GAS6: variants seen among roughly 807,000 people sequenced by gnomAD.
GAS6 encodes the protein growth arrest specific 6.
A neutral mutation model predicts 75.8 loss-of-function variants in GAS6; 41 were observed. The ratio of observed to expected loss-of-function variants is 0.54; its 90% CI spans 0.42 to 0.70. The LOEUF is 0.70. Among genes scored for constraint, GAS6 ranks in the 30% least tolerant of loss-of-function variants. The pLI, the probability that GAS6 is intolerant of heterozygous loss-of-function variation, is 0.00. For synonymous variants in GAS6, 432 were observed against 412.6 expected, an observed-to-expected ratio of 1.05 and a Z score of -0.57; for missense variants, 854 against 940.2, an observed-to-expected ratio of 0.91 and a Z score of 1.20.
At chr13:113,861,403 C>T (rs2051970102) in intron 2 of GAS6, among the ~76,000 whole-genome samples, 2 of 152,216 alleles carry the variant, frequency 1.3e-5, no homozygotes, top group Admixed American at 6.5e-5. Flanking sequence ...CTCTGACAGT[C>T]ACCATGGCCA....
chr13:113,821,009 A>T lies in GAS6; in HGVS notation c.1892T>A (p.Val631Glu). Residue 631 changes from valine (V) to glutamate (E), a missense_variant, in exon 15 of 15, where the codon GTG (valine) becomes GAG (glutamate). Physicochemically the swap from Val to Glu is moderately radical, Grantham distance 121. Transcript: ENST00000327773. ...TFAGGLPDVP[V>E]TSAPVTAFYR... ...GAACGCGGTGACTGGCGCTGAAGTC[A>T]CCGGCACATCTGGGCCGCAGGGAGA... 3 of 1,612,438 alleles carry T rather than the reference A, an allele frequency of 1.9e-6. No homozygotes were observed. The highest frequency in any genetic ancestry group is 2.5e-6 in the Non-Finnish European group (3 of 1,179,852).
At chr13:113,826,424 G>C (rs182653948) in intron 12 of GAS6, among the ~76,000 whole-genome samples, 2 of 128,692 alleles carry the variant, frequency 1.6e-5, no homozygotes, top group African/African-American at 6.0e-5. Flanking sequence ...TCCCGGCGCT[G>C]GCCTCGCAGG....
chr13:113,859,053 ACTGT>A (rs1348467758), intron 2 of GAS6, among the ~76,000 whole-genome samples: 2 of 123,918 alleles, frequency 1.6e-5, no homozygotes, highest in Admixed American at 7.8e-5. Context: ...ACAGTGTGTG[ACTGT>A]GTGTACGTAT....
rs553894099 is a variant in GAS6 at position 113,832,928 on chromosome 13, A to G, written c.835-176T>C. ...TCACACCTGCCCCACTGGGACTCCC[A>G]GGTGAAGGGCGGGCTTGCAGCAGCC... On this transcript the variant is annotated intron_variant, in intron 8 of 14. Transcript: ENST00000327773. 4.6e-4 allele frequency: 689 copies of G among 1,490,018 alleles called. 3 individuals carry two copies. Among genetic ancestry groups the G allele is most frequent in the Non-Finnish European group, 4.9e-4 (547 of 1,119,070 alleles). 92.3% of individuals were successfully genotyped at this position (1,490,018 alleles called of 1,614,324 possible). A position where few individuals can be genotyped will look rare whatever the true frequency, so the allele number is the denominator to read the frequency against.
Position 113,845,340 on chromosome 13 carries a change from C to G in GAS6, c.343+1187G>C, listed in dbSNP as rs2051825498. ...GCTGACTGGGATCCAGCTCCAAAGC[C>G]ATGCCTGGGAAGAGACTCCTGCCTC... On this transcript the variant is annotated intron_variant, in intron 4 of 14. Coordinates refer to ENST00000327773, the MANE Select transcript of GAS6 (RefSeq NM_000820.4). This position sits in a 1 kb window ranked among gnomAD's most constrained non-coding sequence, Gnocchi z 4.3. 6.7e-6 allele frequency: 1 copy of G among 150,212 alleles called. No homozygotes were observed. Among genetic ancestry groups the G allele is most frequent in the African/African-American group, 2.5e-5 (1 of 39,670 alleles). The allele number at this position is 150,212 out of a possible 1,614,324, so 9.3% of individuals were successfully genotyped here. A position where few individuals can be genotyped will look rare whatever the true frequency, so the allele number is the denominator to read the frequency against.
chr13:113,833,362 A>C lies in GAS6; in HGVS notation c.835-610T>G, dbSNP rs1044713821. On this transcript the variant is annotated intron_variant, in intron 8 of 14. Transcript: ENST00000327773. ...AGGCGAGGGCTGGCTGGAAGCCCTG[A>C]ACGTCGCAGCCCAGACCCAAGAGCC... 7.3e-5 allele frequency: 73 copies of C among 998,460 alleles called. No homozygotes were observed. The African/African-American group carries it at 1.1e-3, about 15-fold the overall frequency. 61.9% of individuals were successfully genotyped at this position (998,460 alleles called of 1,614,324 possible). A position where few individuals can be genotyped will look rare whatever the true frequency, so the allele number is the denominator to read the frequency against.
chr13:113,833,246 C>A (rs1163239675), intron 8 of GAS6: 1 of 1,052,754 alleles, frequency 9.5e-7, no homozygotes, highest in Non-Finnish European at 1.1e-6. Flanking sequence ...GCCTGCCCTG[C>A]CCACCGTGGG....
At position 113,846,595 on chromosome 13, in the gene GAS6, G is replaced by A. The variant is rs763753712; in HGVS notation, c.281-6C>T. On this transcript the variant is annotated splice_region_variant and splice_polypyrimidine_tract_variant and intron_variant, in intron 3 of 14. Transcript: ENST00000327773. ...CCCATACTTGTTGATGCAGTCTGCA[G>A]GAAGAAAGGGAATGGATGTCAGTCA... 1.1e-5 allele frequency: 18 copies of A among 1,612,704 alleles called. No homozygotes were observed. Among genetic ancestry groups the A allele is most frequent in the African/African-American group, 4.0e-5 (3 of 74,920 alleles).
At position 113,837,930 on chromosome 13, in the gene GAS6, G is replaced by T; in HGVS notation, c.589+139C>A. The T allele has an allele frequency of 1.0e-6, 1 of 993,334 alleles. No homozygotes were observed. The allele number at this position is 993,334 out of a possible 1,614,324, so 61.5% of individuals were successfully genotyped here. A position where few individuals can be genotyped will look rare whatever the true frequency, so the allele number is the denominator to read the frequency against. Reference sequence around the variant, plus strand: ...TGTGCTGCGGCTGGCCTGGGCTTGTGTAGTCTCTGCAGGATGCCCCATCCC... The same window carrying T: ...TGTGCTGCGGCTGGCCTGGGCTTGTTTAGTCTCTGCAGGATGCCCCATCCC... On this transcript the variant is annotated intron_variant, in intron 6 of 14. Coordinates refer to ENST00000327773, the MANE Select transcript of GAS6 (RefSeq NM_000820.4). This position sits in a 1 kb window ranked among gnomAD's most constrained non-coding sequence, Gnocchi z 5.1.
At chr13:113,861,861 G>A (rs1030373125) in intron 2 of GAS6, among the ~76,000 whole-genome samples, 3 of 152,200 alleles carry the variant, frequency 2.0e-5, no homozygotes, top group Admixed American at 6.5e-5. Flanking sequence ...AGGGCAGAAC[G>A]CTGGGAACTG....
intron 8 of GAS6, among the ~76,000 whole-genome samples, 175 bp downstream of exon 8, chr13:113,834,376 C>T (rs1241085372): frequency 6.6e-6 from 1 of 152,238 alleles, no homozygotes; most frequent in Admixed American, 6.5e-5. Context: ...TAAATACAAC[C>T]AAACATCTTC....
chr13:113,839,752 A>C lies in GAS6; in HGVS notation c.442T>G (p.Trp148Gly). 2 of 1,613,850 alleles carry C rather than the reference A, an allele frequency of 1.2e-6. No homozygotes were observed. The highest frequency in any genetic ancestry group is 1.7e-6 in the Non-Finnish European group (2 of 1,179,928). ...GNFFCLCKAG[W>G]GGRLCDKDVN... ...CCTTTGTCGCAGAGCCGGCCCCCCC[A>C]GCCAGCTTTACACAGGCAGAAGAAG... is the stretch of plus-strand genomic sequence containing the variant. The change falls in exon 5 of 15, where the codon TGG becomes GGG. Residue 148 changes from tryptophan to glycine, a missense_variant. Trp to Gly is a radical substitution (Grantham distance 184, BLOSUM62 -2). Transcript: ENST00000327773.
Position 113,837,921 on chromosome 13 carries a change from T to C in GAS6, c.589+148A>G, listed in dbSNP as rs1214445639. Reference sequence around the variant, plus strand: ...GCAGCTCCCTGTGCTGCGGCTGGCCTGGGCTTGTGTAGTCTCTGCAGGATG... The same window carrying C: ...GCAGCTCCCTGTGCTGCGGCTGGCCCGGGCTTGTGTAGTCTCTGCAGGATG... On this transcript the variant is annotated intron_variant, in intron 6 of 14. Coordinates refer to ENST00000327773, the MANE Select transcript of GAS6 (RefSeq NM_000820.4). This position sits in a 1 kb window ranked among gnomAD's most constrained non-coding sequence, Gnocchi z 5.1. 26 of 915,156 alleles carry C rather than the reference T, an allele frequency of 2.8e-5. No homozygotes were observed. The highest frequency in any genetic ancestry group is 4.8e-5 in the Admixed American group (2 of 41,618). 56.7% of individuals were successfully genotyped at this position (915,156 alleles called of 1,614,324 possible).
At chr13:113,823,876 C>T in intron 12 of GAS6, among the ~76,000 whole-genome samples, 1 of 144,748 alleles carries the variant, frequency 6.9e-6, no homozygotes. Context: ...CTGCCTCCCT[C>T]CGATGTCCTC....
chr13:113,821,602 G>T (rs942932351), intron 14 of GAS6: 2 of 302,810 alleles, frequency 6.6e-6, no homozygotes, highest in Non-Finnish European at 1.2e-5. Context: ...TAACAGCTGC[G>T]GTGACAGCCG....
At chr13:113,822,973 C>T (rs371690442) in intron 13 of GAS6, 9 of 163,382 alleles carry the variant, frequency 5.5e-5, no homozygotes, top group Non-Finnish European at 5.3e-5. Flanking sequence ...CACGGAAAGA[C>T]GCTGTTGGGG....
chr13:113,839,471 T>G (rs972644158), intron 5 of GAS6: 4 of 434,328 alleles, frequency 9.2e-6, no homozygotes, highest in Non-Finnish European at 1.6e-5. Flanking sequence ...AGGTGAAATT[T>G]CCCCCCCCGC....
At chr13:113,850,064 C>T (rs1412624131) in intron 2 of GAS6, among the ~76,000 whole-genome samples, 1 of 152,188 alleles carries the variant, frequency 6.6e-6, no homozygotes, top group Non-Finnish European at 1.5e-5. Context: ...CTGGTATACA[C>T]TCCTGAGATA....
chr13:113,846,633 C>T (rs374711978), intron 3 of GAS6, 44 bp from the exon 4 acceptor site: 66 of 1,526,278 alleles, frequency 4.3e-5, no homozygotes, highest in African/African-American at 2.7e-5. Flanking sequence ...CTTACAAGAC[C>T]GGATGGACTG....
Sources: gnomAD v4.1 joint callset for allele counts (sites outside exome capture counted in the v4.1 genomes callset) on GRCh38, gnomAD v4.1.1 for gene constraint, Gnocchi (gnomAD v3.1) non-coding constraint, MANE v1.5 for transcripts, NCBI Gene and HGNC (gene_info 2026-07-23, HGNC 2026-07-21) for gene names.